The following DLGAP2 variants were observed in gnomAD, a reference collection of about 807,000 sequenced individuals.
DLGAP2 encodes DLG associated protein 2.
DLGAP2 carries 26 observed loss-of-function variants against 100.3 expected under a neutral mutation model. The observed-to-expected ratio is 0.26, with a 90% CI of 0.19 to 0.36. The LOEUF is 0.36. Among genes scored for constraint, DLGAP2 ranks in the 10% least tolerant of loss-of-function variants. DLGAP2 has a pLI of 1.00. For missense variants in DLGAP2, 1,858 were observed against 1,453.2 expected (o/e 1.28, Z -4.53); for synonymous variants, 886 against 630.1 (o/e 1.41, Z -6.08).
chr8:1,408,311 C>A (rs984056634), intron 3 of DLGAP2, among the ~76,000 whole-genome samples: 1 of 152,216 alleles, frequency 6.6e-6, no homozygotes. Context: ...CCTCACTCTC[C>A]AGAGTGTCCG....
At chr8:802,062 C>G (rs1796171095) in intron 1 of DLGAP2, among the ~76,000 whole-genome samples, 1 of 151,254 alleles carries the variant, frequency 6.6e-6, no homozygotes, top group South Asian at 2.1e-4. Context: ...GAACAGTCTG[C>G]ACCCCTCCTG....
intron 2 of DLGAP2, among the ~76,000 whole-genome samples, chr8:1,139,309 G>A (rs1406158512): frequency 6.6e-6 from 1 of 152,256 alleles, no homozygotes; most frequent in Non-Finnish European, 1.5e-5. Flanking sequence ...CACTGTCTCA[G>A]CTGAGGCTGC....
intron 8 of DLGAP2, among the ~76,000 whole-genome samples, chr8:1,641,672 T>G (rs909243954): frequency 6.6e-6 from 1 of 152,158 alleles, no homozygotes; most frequent in Non-Finnish European, 1.5e-5. Flanking sequence ...CAGTGAGGAC[T>G]TCCACATTGT....
chr8:1,556,209 A>AC (rs1171092780), intron 5 of DLGAP2, among the ~76,000 whole-genome samples: 1 of 152,150 alleles, frequency 6.6e-6, no homozygotes, highest in East Asian at 1.9e-4. Context: ...AGTGCCCTCA[A>AC]CTTGGCAGCT....
At chr8:1,277,714 G>T (rs559978223) in intron 3 of DLGAP2, among the ~76,000 whole-genome samples, 23 of 152,230 alleles carry the variant, frequency 1.5e-4, no homozygotes, top group Non-Finnish European at 2.5e-4. Flanking sequence ...CTGCACCGAG[G>T]TCGGGGCAGG....
rs537523074 is a variant in DLGAP2 at position 986,293 on chromosome 8, G to T, written c.73+78327G>T. ...GGCTTCTGTGCCGGGTTTCCTTTAT[G>T]CTAATGGCAATGTGAATTAAACTTT... is the stretch of plus-strand genomic sequence containing the variant. On this transcript the variant is annotated intron_variant, in intron 2 of 14. Coordinates refer to ENST00000637795, the MANE Select transcript of DLGAP2 (RefSeq NM_001346810.2). Among the ~76,000 whole-genome samples the T allele has an allele frequency of 7.2e-5, 11 of 152,272 alleles. No homozygotes were observed. The East Asian group carries it at 2.1e-3, about 29-fold the overall frequency.
rs1245996343 is a variant in DLGAP2 at position 1,013,664 on chromosome 8, CTCCACTGTGTGAGACCAGGACAGACGAT to C, written c.73+105699_73+105726del. Among the ~76,000 whole-genome samples the C allele has an allele frequency of 2.2e-4, 27 of 122,948 alleles. 3 individuals carry two copies. The South Asian group carries it at 4.1e-3, about 19-fold the overall frequency. 80.7% of individuals were successfully genotyped at this position (122,948 alleles called of 152,430 possible). ...CTGTGTGTGTGACCAGGACAGACGC[CTCCACTGTGTGAGACCAGGACAGACGAT>C]GCCTCCATTGTGTGTATGACCAGGA... On this transcript the variant is annotated intron_variant, in intron 2 of 14. Transcript: ENST00000637795.
At chr8:1,458,809 G>A (rs1234895117) in intron 3 of DLGAP2, among the ~76,000 whole-genome samples, 1 of 152,172 alleles carries the variant, frequency 6.6e-6, no homozygotes, top group Non-Finnish European at 1.5e-5. Flanking sequence ...ACAGGAGTGG[G>A]AGAAGGCAGC....
chr8:1,050,817 G>A (rs1011133337), intron 2 of DLGAP2, among the ~76,000 whole-genome samples: 1 of 152,176 alleles, frequency 6.6e-6, no homozygotes, highest in Non-Finnish European at 1.5e-5. Flanking sequence ...GTGGAGGGAT[G>A]AAAAGGACCT....
At chr8:1,298,630 C>T (rs560155284) in intron 3 of DLGAP2, among the ~76,000 whole-genome samples, 41 of 152,118 alleles carry the variant, frequency 2.7e-4, no homozygotes, top group Non-Finnish European at 1.0e-4. Context: ...GCATGGCAGG[C>T]GCTGAGCGTG....
Position 839,970 on chromosome 8 carries a change from G to C in DLGAP2, c.19-67942G>C, listed in dbSNP as rs181362502. On this transcript the variant is annotated intron_variant, in intron 1 of 14. Transcript: ENST00000637795. The stretch of plus-strand genomic sequence containing the variant: ...TGCATGTCTCCGTACACTCTGGATT[G>C]TGTGAGCGCGTCCACACGGTGCACG... Among the ~76,000 whole-genome samples the C allele has an allele frequency of 2.8e-3, 311 of 111,468 alleles. 2 individuals are homozygous for C. The highest frequency in any genetic ancestry group is 3.8e-3 in the Non-Finnish European group (202 of 52,620). The allele number at this position is 111,468 out of a possible 152,430, so 73.1% of individuals were successfully genotyped here.
At chr8:1,101,690 A>T (rs990906623) in intron 2 of DLGAP2, among the ~76,000 whole-genome samples, 1 of 149,668 alleles carries the variant, frequency 6.7e-6, no homozygotes, top group Admixed American at 6.7e-5. Context: ...CGACACGACG[A>T]TGGGAAGGTC....
At position 1,117,708 on chromosome 8, in the gene DLGAP2, G is replaced by A. The variant is rs187045683; in HGVS notation, c.74-141143G>A. Among the ~76,000 whole-genome samples, 236 of 152,300 alleles carry A rather than the reference G, an allele frequency of 1.5e-3. 1 individual carries two copies. The highest frequency in any genetic ancestry group is 5.1e-3 in the African/African-American group (214 of 41,566). The stretch of plus-strand genomic sequence containing the variant: ...GGGAGGGCAGTAGAGAGGAGGGGGA[G>A]GCGGCTGTTCTCCAGACCAGGACTC... On this transcript the variant is annotated intron_variant, in intron 2 of 14. Coordinates refer to ENST00000637795, the MANE Select transcript of DLGAP2 (RefSeq NM_001346810.2).
At chr8:822,122 C>G (rs1585900180) in intron 1 of DLGAP2, 1 of 399,672 alleles carries the variant, frequency 2.5e-6, no homozygotes, top group Non-Finnish European at 4.4e-6. Flanking sequence ...TTGGCCCTAG[C>G]CCTGCGCGGC....
At chr8:1,304,713 A>G (rs930877623) in intron 3 of DLGAP2, among the ~76,000 whole-genome samples, 4 of 152,224 alleles carry the variant, frequency 2.6e-5, no homozygotes, top group Non-Finnish European at 5.9e-5. Flanking sequence ...GATGATCGAC[A>G]AAAGCAAGCA....
At position 866,543 on chromosome 8, in the gene DLGAP2, G is replaced by T. The variant is rs371474110; in HGVS notation, c.19-41369G>T. Among the ~76,000 whole-genome samples the T allele has an allele frequency of 2.3e-3, 351 of 152,174 alleles. 1 individual carries two copies. Among genetic ancestry groups the T allele is most frequent in the African/African-American group, 8.2e-3 (339 of 41,516 alleles). On this transcript the variant is annotated intron_variant, in intron 1 of 14. Coordinates refer to ENST00000637795, the MANE Select transcript of DLGAP2 (RefSeq NM_001346810.2). ...TTCTCGAGGGCCTGGCCTGTCAGTT[G>T]ATTCTGAAAAGAAGGGTCTGAAGGA...
At chr8:1,553,144 C>G (rs1387079332) in intron 5 of DLGAP2, among the ~76,000 whole-genome samples, 3 of 152,178 alleles carry the variant, frequency 2.0e-5, no homozygotes, top group African/African-American at 4.8e-5. Flanking sequence ...TGCTGCATCC[C>G]AGAGAAGACC....
chr8:1,036,180 G>T (rs1449432568), intron 2 of DLGAP2, among the ~76,000 whole-genome samples: 1 of 137,816 alleles, frequency 7.3e-6, no homozygotes, highest in Non-Finnish European at 1.6e-5. Flanking sequence ...TCCCGACCCC[G>T]CGTGTCACCG....
chr8:1,505,164 T>C (rs1291109169), intron 4 of DLGAP2, among the ~76,000 whole-genome samples: 2 of 152,220 alleles, frequency 1.3e-5, no homozygotes, highest in African/African-American at 4.8e-5. Flanking sequence ...GAGGGTTAAA[T>C]GATGATTTTT....
Sources: gnomAD v4.1 joint callset for allele counts (sites outside exome capture counted in the v4.1 genomes callset) on GRCh38, gnomAD v4.1.1 for gene constraint, MANE v1.5 for transcripts, NCBI Gene and HGNC (gene_info 2026-07-23, HGNC 2026-07-21) for gene names.